AGBL1: variants seen among roughly 807,000 people sequenced by gnomAD.
AGBL1 encodes the protein cytosolic carboxypeptidase 4.
AGBL1 carries 130 observed loss-of-function variants against 118.9 expected under a neutral mutation model. That is an observed-to-expected ratio of 1.09 (90% CI 0.95 to 1.26). The LOEUF (loss-of-function observed/expected upper bound fraction) is 1.26. AGBL1 is among the 50% of genes most tolerant of loss of function. AGBL1 has a pLI of 0.00. For synonymous variants in AGBL1, 555 were observed against 478.9 expected (o/e 1.16, Z -2.08); for missense variants, 1,584 against 1,298.1 (o/e 1.22, Z -3.38).
chr15:87,017,339 T>C (rs750845954), intron 24 of AGBL1, among the ~76,000 whole-genome samples: 1 of 152,096 alleles, frequency 6.6e-6, no homozygotes, highest in Non-Finnish European at 1.5e-5. Context: ...GGATGAGACT[T>C]CTCAACAGAG....
intron 22 of AGBL1, among the ~76,000 whole-genome samples, chr15:86,721,613 T>C (rs1022148335): frequency 1.3e-5 from 2 of 152,226 alleles, no homozygotes; most frequent in African/African-American, 4.8e-5. Flanking sequence ...GGATGCCCTC[T>C]CTCACCACTC....
At chr15:86,235,594 G>A (rs1334010094) in intron 6 of AGBL1, among the ~76,000 whole-genome samples, 1 of 152,190 alleles carries the variant, frequency 6.6e-6, no homozygotes, top group African/African-American at 2.4e-5. Context: ...AGGATTGGCT[G>A]TACAATTATT....
chr15:86,582,448 G>C lies in AGBL1; in HGVS notation c.2994+27911G>C, dbSNP rs981872836. On this transcript the variant is annotated intron_variant, in intron 21 of 22. Transcript: ENST00000614907. ...GGGAGTTCAACCATTGTGGAAGTCG[G>C]TGTGGTGATTCCTCAGGGATCTAGA... Among the ~76,000 whole-genome samples, 7 of 152,120 alleles carry C rather than the reference G, an allele frequency of 4.6e-5. 1 individual carries two copies. The highest frequency in any genetic ancestry group is 1.7e-4 in the African/African-American group (7 of 41,428).
intron 23 of AGBL1, among the ~76,000 whole-genome samples, chr15:86,940,238 A>G (rs948507961): frequency 6.6e-6 from 1 of 151,758 alleles, no homozygotes; most frequent in African/African-American, 2.4e-5. Context: ...TTGATTTGGT[A>G]TGTCTTGTTT....
At chr15:86,295,021 A>G (rs1232677074) in intron 16 of AGBL1, among the ~76,000 whole-genome samples, 2 of 152,122 alleles carry the variant, frequency 1.3e-5, no homozygotes, top group Non-Finnish European at 2.9e-5. Context: ...GCAACTTGAA[A>G]ACAGATCTTC....
At chr15:86,941,470 C>T (rs199569782) in intron 23 of AGBL1, among the ~76,000 whole-genome samples, 2 of 152,292 alleles carry the variant, frequency 1.3e-5, no homozygotes, top group East Asian at 3.9e-4. Context: ...AGCTATGGAG[C>T]AGAGACATCA....
chr15:86,916,605 A>C (rs763382760), downstream of AGBL1, among the ~76,000 whole-genome samples: 1 of 152,208 alleles, frequency 6.6e-6, no homozygotes, highest in Non-Finnish European at 1.5e-5. Context: ...TGAGAGTCCA[A>C]GGTTTAGGCT....
chr15:86,993,018 T>C (rs2081348510), intron 24 of AGBL1, among the ~76,000 whole-genome samples: 1 of 152,186 alleles, frequency 6.6e-6, no homozygotes, highest in Non-Finnish European at 1.5e-5. Flanking sequence ...TCAATCTAAC[T>C]GGAATAAACA....
chr15:86,221,285 T>C (rs1166773940), intron 5 of AGBL1, among the ~76,000 whole-genome samples: 2 of 152,164 alleles, frequency 1.3e-5, no homozygotes, highest in Admixed American at 1.3e-4. Context: ...GATGTGCACA[T>C]CCAGCAGAAG....
chr15:86,323,646 G>T (rs1391043059), intron 17 of AGBL1, among the ~76,000 whole-genome samples: 3 of 152,144 alleles, frequency 2.0e-5, no homozygotes, highest in African/African-American at 7.2e-5. Context: ...TGGTTTAAGT[G>T]GTCTTAGGGT....
chr15:86,382,831 A>C (rs908895205), intron 17 of AGBL1, among the ~76,000 whole-genome samples: 4 of 152,082 alleles, frequency 2.6e-5, no homozygotes, highest in African/African-American at 4.8e-5. Context: ...CTGTTTGTGG[A>C]GTAACAAAGC....
Position 86,525,585 on chromosome 15 carries a change from C to T in AGBL1, c.2685+2646C>T, listed in dbSNP as rs1298339080. 2.0e-5 allele frequency among the ~76,000 whole-genome samples: 3 copies of T among 152,150 alleles called. No individual in the cohort carries two copies. The East Asian group carries it at 5.8e-4, about 29-fold the overall frequency. On this transcript the variant is annotated intron_variant, in intron 19 of 22. Coordinates refer to ENST00000614907, the MANE Select transcript of AGBL1 (RefSeq NM_001386094.1). ...AGAACCCAGAGATAAAGCCAGCCAC[C>T]TACAATTAACTAATCTTTGACCAAG... is the stretch of plus-strand genomic sequence containing the variant.
At chr15:86,491,185 C>T (rs2082773106) in intron 18 of AGBL1, among the ~76,000 whole-genome samples, 1 of 151,866 alleles carries the variant, frequency 6.6e-6, no homozygotes, top group Non-Finnish European at 1.5e-5. Flanking sequence ...GTCTGAGGGT[C>T]CAGGGAAATT....
chr15:86,832,475 C>G (rs1208899917), intron 22 of AGBL1, among the ~76,000 whole-genome samples: 2 of 152,162 alleles, frequency 1.3e-5, no homozygotes, highest in African/African-American at 4.8e-5. Context: ...GAATGCTTTG[C>G]TGCTTAGAAA....
At chr15:86,948,114 C>T (rs1377184908) in intron 23 of AGBL1, among the ~76,000 whole-genome samples, 1 of 152,036 alleles carries the variant, frequency 6.6e-6, no homozygotes. Flanking sequence ...GAACCAAGAG[C>T]CCCATGAGTT....
intron 17 of AGBL1, among the ~76,000 whole-genome samples, chr15:86,390,619 C>T (rs1389658995): frequency 6.9e-6 from 1 of 145,850 alleles, no homozygotes; most frequent in Non-Finnish European, 1.5e-5. Flanking sequence ...AAGTATTATG[C>T]TAAGTTAAAG....
In AGBL1 at chr15:86,910,674, G is replaced by C. The variant is rs1053266994; in HGVS notation, c.*3380G>C. 6.6e-6 allele frequency: 1 copy of C among 152,226 alleles called. No individual in the cohort carries two copies. The highest frequency in any genetic ancestry group is 1.5e-5 in the Non-Finnish European group (1 of 68,064). 9.4% of individuals were successfully genotyped at this position (152,226 alleles called of 1,614,324 possible). ...CATGTTAAATGTTGGTGGCCTACAT[G>C]ATAGCCCGTTCGAAAGGTTTCCTAG... is the stretch of plus-strand genomic sequence containing the variant. On this transcript the variant is annotated 3_prime_UTR_variant, in exon 23 of 23. Coordinates refer to ENST00000614907, the MANE Select transcript of AGBL1 (RefSeq NM_001386094.1).
At chr15:86,766,094 C>T (rs1482081418) in intron 22 of AGBL1, among the ~76,000 whole-genome samples, 2 of 151,948 alleles carry the variant, frequency 1.3e-5, no homozygotes, top group African/African-American at 2.4e-5. Context: ...ACTCAACTCT[C>T]ACAACAGCCC....
In AGBL1 at chr15:86,171,360, C is replaced by T. The variant is rs563805906; in HGVS notation, c.488+12334C>T. Among the ~76,000 whole-genome samples the T allele has an allele frequency of 3.3e-5, 5 of 152,068 alleles. No individual in the cohort carries two copies. The East Asian group carries it at 7.7e-4, about 23-fold the overall frequency. On this transcript the variant is annotated intron_variant, in intron 5 of 22. Coordinates refer to ENST00000614907, the MANE Select transcript of AGBL1 (RefSeq NM_001386094.1). ...ATTAAAATATATGACAACAAGAGCA[C>T]AAAGATCAGGAAGAGAGAAATAAAA... is the stretch of plus-strand genomic sequence containing the variant.
Sources: allele counts gnomAD v4.1 joint callset (sites outside exome capture counted in the v4.1 genomes callset), GRCh38; gene constraint gnomAD v4.1.1; transcripts MANE v1.5; gene names NCBI Gene and HGNC (gene_info 2026-07-23, HGNC 2026-07-21).